The following SH3RF3 variants were observed in gnomAD, a reference collection of about 807,000 sequenced individuals.
The protein encoded by SH3RF3 is SH3 domain containing ring finger 3, also known as E3 ubiquitin-protein ligase SH3RF3.
In SH3RF3, 29 loss-of-function variants were observed where a neutral mutation model predicts 66.3. That is an observed-to-expected ratio of 0.44 (90% CI 0.33 to 0.60). The LOEUF is 0.60. Ranked by LOEUF, SH3RF3 falls within the 20% of genes least tolerant of loss-of-function variation. The pLI, the probability that SH3RF3 is intolerant of heterozygous loss-of-function variation, is 0.04. For missense variants in SH3RF3, 1,194 were observed against 1,190.9 expected (o/e 1.00, Z -0.04); for synonymous variants, 583 against 532.0 (o/e 1.10, Z -1.32).
At chr2:109,309,944 T>G (rs1239598759) in intron 1 of SH3RF3, among the ~76,000 whole-genome samples, 1 of 123,504 alleles carries the variant, frequency 8.1e-6, no homozygotes, top group Non-Finnish European at 1.6e-5. Flanking sequence ...AGACAGAAAG[T>G]CAACAAGGAT....
chr2:109,381,319 G>C (rs542678102), intron 3 of SH3RF3, among the ~76,000 whole-genome samples: 2 of 152,326 alleles, frequency 1.3e-5, no homozygotes, highest in South Asian at 2.1e-4. Context: ...CTGTTTTTCT[G>C]CTTCTCCTGT....
At chr2:109,404,127 T>C (rs1284376878) in intron 4 of SH3RF3, among the ~76,000 whole-genome samples, 3 of 151,650 alleles carry the variant, frequency 2.0e-5, no homozygotes, top group Non-Finnish European at 4.4e-5. Flanking sequence ...TGGTGGTGGG[T>C]AAGAAGTGGG....
chr2:109,175,324 G>T (rs1019933233), intron 1 of SH3RF3, among the ~76,000 whole-genome samples: 6 of 152,124 alleles, frequency 3.9e-5, no homozygotes, highest in Non-Finnish European at 8.8e-5. Flanking sequence ...GATGTCTGAG[G>T]GGTTTGTATT....
rs36060217 is a variant in SH3RF3, at chr2:109,206,490, C to CAAAAAAAA, written c.573+76395_573+76402dup. 1.1e-3 allele frequency among the ~76,000 whole-genome samples: 46 copies of CAAAAAAAA among 40,762 alleles called. 2 individuals carry two copies. The highest frequency in any genetic ancestry group is 4.1e-3 in the African/African-American group (41 of 10,078). 26.7% of individuals were successfully genotyped at this position (40,762 alleles called of 152,430 possible). A position where few individuals can be genotyped will look rare whatever the true frequency, so the allele number is the denominator to read the frequency against. On this transcript the variant is annotated intron_variant, in intron 1 of 9. Transcript: ENST00000309415. ...TGGGCGACAGAGTGAGACTCCGTCTCAAAAAAAAAAAAAAAAAAAAAAAAA... is the reference window on the plus strand; with the variant it reads ...TGGGCGACAGAGTGAGACTCCGTCTCAAAAAAAAAAAAAAAAAAAAAAAAAAAAAAAAA...
chr2:109,439,930 G>A (rs1262495850), intron 7 of SH3RF3, among the ~76,000 whole-genome samples: 5 of 152,138 alleles, frequency 3.3e-5, no homozygotes, highest in South Asian at 2.1e-4. Context: ...AATTCATTCC[G>A]ACTGGGGAGG....
intron 1 of SH3RF3, among the ~76,000 whole-genome samples, chr2:109,202,833 C>A (rs1678715063): frequency 6.6e-6 from 1 of 152,174 alleles, no homozygotes; most frequent in Admixed American, 6.5e-5. Flanking sequence ...GGGAAAGGGC[C>A]CAACTTTAAG....
intron 4 of SH3RF3, among the ~76,000 whole-genome samples, 174 bp from the exon 5 acceptor site, chr2:109,419,365 G>A (rs904962913): frequency 6.6e-5 from 10 of 152,176 alleles, no homozygotes; most frequent in South Asian, 2.1e-4. Context: ...CAGGGGTCCC[G>A]GGCTGCCAGG....
At position 109,354,718 on chromosome 2, in the gene SH3RF3, C is replaced by T. The variant is rs551277285; in HGVS notation, c.849+6769C>T. On this transcript the variant is annotated intron_variant, in intron 2 of 9. Transcript: ENST00000309415. Reference sequence around the variant, plus strand: ...TGGCATCCTAAAGGGACAGGGAAGGCGAGCGTCGGCACCCTGCCCCGCAGC... The same window carrying T: ...TGGCATCCTAAAGGGACAGGGAAGGTGAGCGTCGGCACCCTGCCCCGCAGC... 9.8e-5 allele frequency among the ~76,000 whole-genome samples: 15 copies of T among 152,358 alleles called. No individual in the cohort carries two copies. The South Asian group carries it at 1.4e-3, about 15-fold the overall frequency.
At chr2:109,386,159 G>A (rs1675817437) in intron 3 of SH3RF3, among the ~76,000 whole-genome samples, 2 of 152,222 alleles carry the variant, frequency 1.3e-5, no homozygotes, top group Admixed American at 6.5e-5. Context: ...AAAGCTGACC[G>A]CCTTGCCTGG....
At chr2:109,497,941 G>T (rs1371465473) in intron 9 of SH3RF3, among the ~76,000 whole-genome samples, 1 of 152,232 alleles carries the variant, frequency 6.6e-6, no homozygotes, top group Non-Finnish European at 1.5e-5. Flanking sequence ...AGGAGCAGGT[G>T]TTTGGAAGAG....
At chr2:109,351,387 CCA>C (rs1348575592) in intron 2 of SH3RF3, among the ~76,000 whole-genome samples, 1 of 152,226 alleles carries the variant, frequency 6.6e-6, no homozygotes, top group Non-Finnish European at 1.5e-5. Flanking sequence ...GTGCTGAGAA[CCA>C]CATGATATAA....
rs182458159 is a variant in SH3RF3 at position 109,160,411 on chromosome 2, G to T, written c.573+30298G>T. Among the ~76,000 whole-genome samples the T allele has an allele frequency of 7.9e-4, 121 of 152,342 alleles. 1 individual carries two copies. The highest frequency in any genetic ancestry group is 2.7e-3 in the African/African-American group (112 of 41,568). On this transcript the variant is annotated intron_variant, in intron 1 of 9. Coordinates refer to ENST00000309415, the MANE Select transcript of SH3RF3 (RefSeq NM_001099289.3). ...GGCTAAAGTTGGAAATGGAAATGAA[G>T]GAGCAGGTAGCCATGCAGCCTTGTG...
intron 1 of SH3RF3, among the ~76,000 whole-genome samples, chr2:109,145,862 C>T (rs1185438335): frequency 3.3e-5 from 5 of 152,100 alleles, no homozygotes; most frequent in East Asian, 1.9e-4. Flanking sequence ...AGGACGGAGC[C>T]GCAGAGCTGG....
At chr2:109,363,735 G>A (rs1354381277) in intron 2 of SH3RF3, among the ~76,000 whole-genome samples, 1 of 152,140 alleles carries the variant, frequency 6.6e-6, no homozygotes, top group Non-Finnish European at 1.5e-5. Flanking sequence ...CACAGGTACA[G>A]AATTCTAGGT....
chr2:109,284,786 T>C (rs1342732647), intron 1 of SH3RF3, among the ~76,000 whole-genome samples: 4 of 152,128 alleles, frequency 2.6e-5, no homozygotes, highest in South Asian at 4.2e-4. Context: ...TGTGTGTGCT[T>C]AAGGATGTGT....
intron 8 of SH3RF3, among the ~76,000 whole-genome samples, chr2:109,464,406 C>G (rs1002256070): frequency 6.6e-6 from 1 of 151,930 alleles, no homozygotes; most frequent in African/African-American, 2.4e-5. Context: ...AACAAAAATA[C>G]ACATACAAAC....
intron 1 of SH3RF3, among the ~76,000 whole-genome samples, chr2:109,175,567 C>T (rs1332728132): frequency 6.6e-6 from 1 of 152,184 alleles, no homozygotes; most frequent in Non-Finnish European, 1.5e-5. Context: ...TGTGGCTGCT[C>T]AGGTGCAGGA....
chr2:109,303,694 T>C lies in SH3RF3; in HGVS notation c.574-43980T>C, dbSNP rs1681526281. Among the ~76,000 whole-genome samples the C allele has an allele frequency of 1.3e-5, 2 of 152,218 alleles. 1 individual carries two copies. The highest frequency in any genetic ancestry group is 4.1e-4 in the South Asian group (2 of 4,832). ...TTCGGGTTTTGTTTTGCTTGGTATT[T>C]TAGTTTTTTAAAAACCACTTTGTTG... On this transcript the variant is annotated intron_variant, in intron 1 of 9. Coordinates refer to ENST00000309415, the MANE Select transcript of SH3RF3 (RefSeq NM_001099289.3).
At chr2:109,219,107 A>G (rs1358567092) in intron 1 of SH3RF3, among the ~76,000 whole-genome samples, 1 of 152,182 alleles carries the variant, frequency 6.6e-6, no homozygotes, top group Non-Finnish European at 1.5e-5. Flanking sequence ...GGCATTGCAC[A>G]TGACTGGCTT....
Sources: gnomAD v4.1 joint callset for allele counts (sites outside exome capture counted in the v4.1 genomes callset) on GRCh38, gnomAD v4.1.1 for gene constraint, MANE v1.5 for transcripts, NCBI Gene and HGNC (gene_info 2026-07-23, HGNC 2026-07-21) for gene names.